Variants in RINT1 observed in about 807,000 individuals in gnomAD.
RINT1 encodes RAD50-interacting protein 1.
A neutral mutation model predicts 97.7 loss-of-function variants in RINT1; 75 were observed. That is an observed-to-expected ratio of 0.77 (90% CI 0.64 to 0.93). The LOEUF is 0.93. Among genes scored for constraint, RINT1 ranks in the 40% least tolerant of loss-of-function variants. The pLI, the probability that RINT1 is intolerant of heterozygous loss-of-function variation, is 0.00. For missense variants in RINT1, 892 were observed against 925.2 expected, an observed-to-expected ratio of 0.96 and a Z score of 0.47; for synonymous variants, 303 against 326.3, an observed-to-expected ratio of 0.93 and a Z score of 0.77.
intron 9 of RINT1, 116 bp downstream of exon 9, chr7:105,550,602 T>C (rs1487501665): frequency 1.4e-6 from 1 of 735,200 alleles, no homozygotes. Context: ...AAATTTCCTT[T>C]TCAGGGTTTT....
intron 11 of RINT1, among the ~76,000 whole-genome samples, chr7:105,558,389 A>G (rs1355136974): frequency 6.6e-6 from 1 of 152,098 alleles, no homozygotes; most frequent in Non-Finnish European, 1.5e-5. Flanking sequence ...GTATTCTCTC[A>G]GCACCCCCAC....
At chr7:105,556,345 G>T (rs896588695) in intron 11 of RINT1, among the ~76,000 whole-genome samples, 4 of 151,752 alleles carry the variant, frequency 2.6e-5, no homozygotes, top group Admixed American at 6.6e-5. Flanking sequence ...GGGATTATAG[G>T]TGTGAGCCAC....
intron 1 of RINT1, 142 bp from the exon 2 acceptor site, chr7:105,532,682 A>G (rs1415363426): frequency 1.1e-6 from 1 of 878,830 alleles, no homozygotes; most frequent in Admixed American, 2.0e-5. Context: ...GAGGTACCTG[A>G]TTCGGACGGC....
Position 105,551,573 on chromosome 7 carries a change from C to G in RINT1, c.1337C>G (p.Ala446Gly), listed in dbSNP as rs1013448398. 8 of 1,594,396 alleles carry G rather than the reference C, an allele frequency of 5.0e-6. No individual in the cohort carries two copies. The highest frequency in any genetic ancestry group is 6.8e-6 in the Non-Finnish European group (8 of 1,170,506). Reference protein sequence around the residue: ...QRWLTVERKFALQKMDSMLSS... With the variant: ...QRWLTVERKFGLQKMDSMLSS... ...AATTGTTTTGTCTGCTTATCAGTTG[C>G]TCTTCAAAAAATGGACTCAATGCTT... The change falls in exon 10 of 15, where the codon GCT (alanine) becomes GGT (glycine). Residue 446 changes from alanine to glycine, a missense_variant. By Grantham distance (60) the Ala-to-Gly change is moderately conservative (BLOSUM62 0). Transcript: ENST00000257700.
chr7:105,536,237 C>A (rs1275559796), intron 2 of RINT1, among the ~76,000 whole-genome samples: 1 of 152,166 alleles, frequency 6.6e-6, no homozygotes, highest in Admixed American at 6.6e-5. Context: ...TGGCTCACTG[C>A]AACCTCTGCC....
At chr7:105,535,856 A>G (rs1790210024) in intron 2 of RINT1, among the ~76,000 whole-genome samples, 1 of 151,898 alleles carries the variant, frequency 6.6e-6, no homozygotes, top group South Asian at 2.1e-4. Flanking sequence ...AACACTTTAA[A>G]ACAAGAGTCT....
rs548249931 is a variant in RINT1 at position 105,550,285 on chromosome 7, A to T, written c.1132A>T (p.Met378Leu). 6.2e-7 allele frequency: 1 copy of T among 1,614,048 alleles called. No homozygotes were observed. The highest frequency in any genetic ancestry group is 1.7e-5 in the Admixed American group (1 of 59,998). ...ARLEFSRGLM[M>L]LVLEKLATDI... is the part of the protein sequence containing the mutation. ...GCTTGAATTTTCTCGGGGCCTTATG[A>T]TGCTGGTTCTTGAGAAGTTAGCCAC... Residue 378 changes from methionine to leucine, a missense_variant, in exon 9 of 15, where the codon ATG becomes TTG. Physicochemically the swap from Met to Leu is conservative, Grantham distance 15. Coordinates refer to ENST00000257700, the MANE Select transcript of RINT1 (RefSeq NM_021930.6).
In RINT1 at chr7:105,550,055, C is replaced by G; in HGVS notation, c.997C>G (p.Pro333Ala). The change falls in exon 8 of 15, where the codon CCA becomes GCA. Residue 333 changes from proline to alanine, a missense_variant and splice_region_variant. Pro to Ala is a conservative substitution (Grantham distance 27). Transcript: ENST00000257700. The stretch of plus-strand genomic sequence containing the variant: ...TCAAACTATTTTCCTCCTTCCTTAG[C>G]CAGAATGGTACTTGGCTCAAGTACT... ...GNRQTNVLSK[P>A]EWYLAQVLMW... The G allele has an allele frequency of 6.3e-7, 1 of 1,589,968 alleles. No individual in the cohort carries two copies. The highest frequency in any genetic ancestry group is 8.6e-7 in the Non-Finnish European group (1 of 1,164,026).
intron 11 of RINT1, among the ~76,000 whole-genome samples, chr7:105,556,170 G>T (rs1266452501): frequency 6.6e-6 from 1 of 151,604 alleles, no homozygotes; most frequent in East Asian, 1.9e-4. Flanking sequence ...GGGTTCAAGG[G>T]ATTATCCTGC....
Position 105,565,339 on chromosome 7 carries a change from C to T in RINT1, c.1949C>T (p.Pro650Leu), listed in dbSNP as rs778220756. Reference sequence around the variant, plus strand: ...ATGTCCCTGTCCAGTTCGGCTTGCCCGTTGCTGCTGACGTTACGAGACCAT... The same window carrying T: ...ATGTCCCTGTCCAGTTCGGCTTGCCTGTTGCTGCTGACGTTACGAGACCAT... ...AVMSLSSSAC[P>L]LLLTLRDHLL... Residue 650 changes from proline (P) to leucine (L), a missense_variant, in exon 13 of 15, where the codon CCG becomes CTG. Physicochemically the swap from Pro to Leu is moderately conservative, Grantham distance 98 (BLOSUM62 -3). Coordinates refer to ENST00000257700, the MANE Select transcript of RINT1 (RefSeq NM_021930.6). 17 of 1,614,070 alleles carry T rather than the reference C, an allele frequency of 1.1e-5. No homozygotes were observed. The highest frequency in any genetic ancestry group is 5.0e-5 in the Admixed American group (3 of 59,990).
rs111301266 is a variant in RINT1, at chr7:105,540,775, A to C, written c.274-1633A>C. Reference sequence around the variant, plus strand: ...GCTTCTTAGCCTGGCCTTAATTCAGAATCACCTGGGGTATGTTGGCAAAAT... The same window carrying C: ...GCTTCTTAGCCTGGCCTTAATTCAGCATCACCTGGGGTATGTTGGCAAAAT... On this transcript the variant is annotated intron_variant, in intron 3 of 14. Transcript: ENST00000257700. 6.3e-3 allele frequency among the ~76,000 whole-genome samples: 958 copies of C among 151,820 alleles called. 10 individuals are homozygous for C. The highest frequency in any genetic ancestry group is 0.022 in the African/African-American group (911 of 41,352).
rs1353264158 is a variant in RINT1, at chr7:105,532,354, C to A, written c.39C>A (p.Ala13=). ...PAGEIGASPA[A]PCCSESGDER... is the part of the protein sequence containing the mutation. ...GCGAGATCGGCGCCTCTCCTGCAGC[C>A]CCGGTGAGACGGCCCTGGCGTCCCT... Residue 13 remains alanine, a synonymous_variant, in exon 1 of 15, where the codon GCC becomes GCA. Transcript: ENST00000257700. The A allele has an allele frequency of 5.0e-6, 8 of 1,601,262 alleles. No individual in the cohort carries two copies. Among genetic ancestry groups the A allele is most frequent in the Non-Finnish European group, 6.8e-6 (8 of 1,175,574 alleles).
At position 105,559,992 on chromosome 7, in the gene RINT1, G is replaced by A. The variant is rs146369022; in HGVS notation, c.1672-3741G>A. On this transcript the variant is annotated intron_variant, in intron 11 of 14. Transcript: ENST00000257700. ...AATTAGGAATTTTTCAGTTGTAGGTGACAGATATGAAATTCAAACTGGCCT... is the reference window on the plus strand; with the variant it reads ...AATTAGGAATTTTTCAGTTGTAGGTAACAGATATGAAATTCAAACTGGCCT... Among the ~76,000 whole-genome samples the A allele has an allele frequency of 1.7e-3, 254 of 152,332 alleles. 2 individuals are homozygous for A. The highest frequency in any genetic ancestry group is 5.5e-3 in the African/African-American group (229 of 41,582).
chr7:105,566,822 CTACCTAAAGTTA>C (rs1196163048), intron 14 of RINT1: 1 of 183,352 alleles, frequency 5.5e-6, no homozygotes, highest in Admixed American at 6.1e-5. Flanking sequence ...ATGTTCTAAT[CTACCTAAAGTTA>C]TAGCTATATT....
intron 12 of RINT1, among the ~76,000 whole-genome samples, chr7:105,564,969 A>T (rs563139475): frequency 1.3e-5 from 2 of 152,328 alleles, no homozygotes; most frequent in Non-Finnish European, 2.9e-5. Context: ...GTCTCAAAAA[A>T]AAAGAAAAAC....
chr7:105,561,993 T>C (rs1482759162), intron 11 of RINT1, among the ~76,000 whole-genome samples: 1 of 152,198 alleles, frequency 6.6e-6, no homozygotes, highest in Non-Finnish European at 1.5e-5. Flanking sequence ...AAAATATATA[T>C]ATAGTGAAAA....
At position 105,563,758 on chromosome 7, in the gene RINT1, C is replaced by G; in HGVS notation, c.1697C>G (p.Ala566Gly). ...TTCTTTCTACAACTTCAACAGGCTG[C>G]ACTGGAGGTGTTTGCAGAGAATAAT... ...NVFFLQLQQA[A>G]LEVFAENNTL... Residue 566 changes from alanine (A) to glycine (G), a missense_variant, in exon 12 of 15, where the codon GCA becomes GGA. Physicochemically the swap from Ala to Gly is moderately conservative, Grantham distance 60 (BLOSUM62 0). Coordinates refer to ENST00000257700, the MANE Select transcript of RINT1 (RefSeq NM_021930.6). The G allele has an allele frequency of 1.2e-6, 2 of 1,613,964 alleles. No individual in the cohort carries two copies. The highest frequency in any genetic ancestry group is 1.7e-6 in the Non-Finnish European group (2 of 1,179,874).
chr7:105,549,933 C>A, intron 7 of RINT1, 122 bp from the exon 8 acceptor site: 1 of 611,572 alleles, frequency 1.6e-6, no homozygotes. Flanking sequence ...TGTGCTCTTA[C>A]ATACAGGAAT....
chr7:105,553,752 G>A lies in RINT1; in HGVS notation c.1472-1276G>A, dbSNP rs1350666033. 1.8e-4 allele frequency among the ~76,000 whole-genome samples: 26 copies of A among 146,344 alleles called. No individual in the cohort carries two copies. The South Asian group carries it at 2.6e-3, about 15-fold the overall frequency. ...TTTTTTTTCTTTGAGACAGAGTCTC[G>A]CTCTGTCGCCCAGGCTGGAGTGCTG... On this transcript the variant is annotated intron_variant, in intron 10 of 14. Transcript: ENST00000257700.
Sources: gnomAD v4.1 joint callset for allele counts (sites outside exome capture counted in the v4.1 genomes callset) on GRCh38, gnomAD v4.1.1 for gene constraint, MANE v1.5 for transcripts, NCBI Gene and HGNC (gene_info 2026-07-23, HGNC 2026-07-21) for gene names.